The following KHDRBS2 variants were observed in gnomAD, a reference collection of about 807,000 sequenced individuals.
KHDRBS2 encodes the protein KH domain-containing, RNA-binding, signal transduction-associated protein 2.
Under a neutral mutation model 44.3 loss-of-function variants are expected in KHDRBS2, and 26 were observed. The observed-to-expected ratio is 0.59, with a 90% CI of 0.43 to 0.81. The LOEUF (loss-of-function observed/expected upper bound fraction) is 0.81. Ranked by LOEUF, KHDRBS2 falls within the 40% of genes least tolerant of loss-of-function variation. The pLI is 0.00. For missense variants in KHDRBS2, 476 were observed against 433.1 expected, an observed-to-expected ratio of 1.10 and a Z score of -0.88; for synonymous variants, 194 against 151.1, an observed-to-expected ratio of 1.28 and a Z score of -2.08.
intron 6 of KHDRBS2, among the ~76,000 whole-genome samples, chr6:61,853,358 A>C (rs1795722958): frequency 6.6e-6 from 1 of 152,198 alleles, no homozygotes; most frequent in Non-Finnish European, 1.5e-5. Flanking sequence ...ATAGCCATTG[A>C]AATTTTTATT....
the KHDRBS2 span, among the ~76,000 whole-genome samples, chr6:61,547,376 A>G: frequency 6.6e-6 from 1 of 152,060 alleles, no homozygotes; most frequent in Non-Finnish European, 1.5e-5. Context: ...CCATAGTGTA[A>G]CCTCATTATC....
At chr6:61,605,404 C>A in the KHDRBS2 span, among the ~76,000 whole-genome samples, 1 of 152,206 alleles carries the variant, frequency 6.6e-6, no homozygotes, top group African/African-American at 2.4e-5. Flanking sequence ...CCCAAACCGC[C>A]ACTCTTAACT....
chr6:62,201,015 C>T lies in KHDRBS2; in HGVS notation c.92-23703G>A, dbSNP rs138947419. Among the ~76,000 whole-genome samples the T allele has an allele frequency of 9.4e-3, 1,428 of 152,216 alleles. 25 individuals are homozygous for T. The highest frequency in any genetic ancestry group is 0.033 in the African/African-American group (1,368 of 41,510). On this transcript the variant is annotated intron_variant, in intron 1 of 8. Transcript: ENST00000281156. ...AAACCAAACACCGCGTGTTCTCACT[C>T]ATAGGTGGGACTTGAACAATGAGAA... is the stretch of plus-strand genomic sequence containing the variant.
the KHDRBS2 span, among the ~76,000 whole-genome samples, chr6:61,672,550 A>C: frequency 6.6e-6 from 1 of 152,058 alleles, no homozygotes; most frequent in Non-Finnish European, 1.5e-5. Flanking sequence ...AACTGGTGTG[A>C]GATGGTATCT....
chr6:62,219,714 G>A (rs1209672990), intron 1 of KHDRBS2, among the ~76,000 whole-genome samples: 2 of 150,180 alleles, frequency 1.3e-5, no homozygotes, highest in East Asian at 1.9e-4. Context: ...CTTATTCTTA[G>A]GAGACACACA....
At chr6:61,661,192 CAT>C in the KHDRBS2 span, 1 of 151,754 alleles carries the variant, frequency 6.6e-6, no homozygotes, top group African/African-American at 2.4e-5. Flanking sequence ...TCCATTTAAA[CAT>C]ATATGTCTGG....
the KHDRBS2 span, among the ~76,000 whole-genome samples, chr6:61,602,770 A>G: frequency 6.6e-6 from 1 of 152,024 alleles, no homozygotes; most frequent in Non-Finnish European, 1.5e-5. Flanking sequence ...AGGCTTCTAA[A>G]CCTCTTAAAA....
rs1423249224 is a variant in KHDRBS2 at position 61,954,832 on chromosome 6, A to G, written c.483+23234T>C. Among the ~76,000 whole-genome samples the G allele has an allele frequency of 6.6e-5, 6 of 90,638 alleles. 2 individuals are homozygous for G. Among genetic ancestry groups the G allele is most frequent in the East Asian group, 1.0e-3 (2 of 1,978 alleles). 59.5% of individuals were successfully genotyped at this position (90,638 alleles called of 152,430 possible). Reference sequence around the variant, plus strand: ...CATACGCATGTGTATATACACATGCATATGTATGTATACATATGCATGTGT... The same window carrying G: ...CATACGCATGTGTATATACACATGCGTATGTATGTATACATATGCATGTGT... On this transcript the variant is annotated intron_variant, in intron 4 of 8. Coordinates refer to ENST00000281156, the MANE Select transcript of KHDRBS2 (RefSeq NM_152688.4).
chr6:61,674,682 A>G, the KHDRBS2 span, among the ~76,000 whole-genome samples: 11 of 151,734 alleles, frequency 7.2e-5, no homozygotes, highest in Non-Finnish European at 1.3e-4. Context: ...AGTATTTTCA[A>G]TCATTTACTT....
At chr6:62,279,767 T>C (rs1841536702) in intron 1 of KHDRBS2, among the ~76,000 whole-genome samples, 1 of 152,192 alleles carries the variant, frequency 6.6e-6, no homozygotes. Flanking sequence ...GGTCTTAGCA[T>C]GTGCAACACC....
intron 7 of KHDRBS2, among the ~76,000 whole-genome samples, chr6:61,706,745 G>A (rs1464860124): frequency 4.6e-5 from 7 of 151,840 alleles, no homozygotes; most frequent in Admixed American, 1.3e-4. Flanking sequence ...ATGTTGCAAG[G>A]TATGCATGAA....
At chr6:62,267,493 G>T (rs982081302) in intron 1 of KHDRBS2, among the ~76,000 whole-genome samples, 4 of 151,942 alleles carry the variant, frequency 2.6e-5, no homozygotes, top group African/African-American at 9.7e-5. Flanking sequence ...AGGAGACAGG[G>T]GTTCTAAAAT....
the KHDRBS2 span, among the ~76,000 whole-genome samples, chr6:61,562,958 C>A: frequency 0.04 from 6,035 of 152,030 alleles, 290 homozygotes; most frequent in East Asian, 0.22. Flanking sequence ...GAAAGATTTC[C>A]TTCTGTTTTT....
intron 6 of KHDRBS2, among the ~76,000 whole-genome samples, chr6:61,779,450 CA>C (rs988655452): frequency 2.0e-5 from 3 of 151,674 alleles, no homozygotes; most frequent in South Asian, 2.1e-4. Context: ...GGGTGTGGTT[CA>C]AAAAAACTTT....
chr6:61,670,633 T>C, the KHDRBS2 span, among the ~76,000 whole-genome samples: 86 of 151,602 alleles, frequency 5.7e-4, 1 homozygote, highest in African/African-American at 1.9e-3. Context: ...TTAATGGTCT[T>C]TGTAAATTCC....
chr6:62,140,421 G>A (rs2150097546), intron 2 of KHDRBS2, among the ~76,000 whole-genome samples: 1 of 152,258 alleles, frequency 6.6e-6, no homozygotes, highest in East Asian at 1.9e-4. Flanking sequence ...CAAGACTAGA[G>A]GCAGGGACAG....
intron 3 of KHDRBS2, among the ~76,000 whole-genome samples, chr6:62,018,112 A>AC (rs1460419791): frequency 6.6e-6 from 1 of 151,260 alleles, no homozygotes. Flanking sequence ...CACTTAACAT[A>AC]CATATTACCG....
In KHDRBS2 at chr6:62,027,021, T is replaced by G. The variant is rs189603889; in HGVS notation, c.336+20857A>C. Among the ~76,000 whole-genome samples, 186 of 152,154 alleles carry G rather than the reference T, an allele frequency of 1.2e-3. 2 individuals are homozygous for G. The highest frequency in any genetic ancestry group is 4.2e-3 in the African/African-American group (174 of 41,562). ...TTTTAATTCTTATTTCCTTTTTTTT[T>G]TTCATTTCGAGAACTCTTATTGTAC... On this transcript the variant is annotated intron_variant, in intron 3 of 8. Transcript: ENST00000281156.
At chr6:62,015,887 A>G (rs1781120338) in intron 3 of KHDRBS2, among the ~76,000 whole-genome samples, 1 of 152,100 alleles carries the variant, frequency 6.6e-6, no homozygotes, top group East Asian at 1.9e-4. Flanking sequence ...TTGTTTGAAG[A>G]TTTTCCTTCC....
Sources: allele counts gnomAD v4.1 joint callset (sites outside exome capture counted in the v4.1 genomes callset), GRCh38; gene constraint gnomAD v4.1.1; transcripts MANE v1.5; gene names NCBI Gene and HGNC (gene_info 2026-07-23, HGNC 2026-07-21).